Variants in MORC1 observed in about 807,000 individuals in gnomAD.
MORC1 encodes the protein MORC family CW-type zinc finger protein 1.
In MORC1, 59 loss-of-function variants were observed where a neutral mutation model predicts 134.9. That is an observed-to-expected ratio of 0.44 (90% confidence interval 0.35 to 0.54). The LOEUF (loss-of-function observed/expected upper bound fraction) is 0.54, where lower values mean the gene tolerates loss of function less well. Ranked by LOEUF, MORC1 falls within the 20% of genes least tolerant of loss-of-function variation. The pLI is 0.00. For synonymous variants in MORC1, 395 were observed against 391.7 expected (o/e 1.01, Z -0.10); for missense variants, 947 against 1,134.5 (o/e 0.83, Z 2.37).
chr3:109,117,158 A>G (rs1167123536), intron 1 of MORC1, among the ~76,000 whole-genome samples: 1 of 152,142 alleles, frequency 6.6e-6, no homozygotes, highest in African/African-American at 2.4e-5. Context: ...AAAACTGAGT[A>G]TCTGCTGAAT....
At chr3:108,997,446 TAC>T (rs1275930518) in intron 21 of MORC1, among the ~76,000 whole-genome samples, 3 of 152,080 alleles carry the variant, frequency 2.0e-5, no homozygotes, top group African/African-American at 7.2e-5. Context: ...GAGAATCGCT[TAC>T]AGTGAGTGGA....
At chr3:108,963,089 G>A (rs952822958) in intron 27 of MORC1, among the ~76,000 whole-genome samples, 2 of 151,546 alleles carry the variant, frequency 1.3e-5, no homozygotes, top group African/African-American at 4.9e-5. Context: ...TCGGAAGGCT[G>A]AGGCAGGAGG....
intron 16 of MORC1, among the ~76,000 whole-genome samples, chr3:109,030,009 T>C (rs1949203783): frequency 6.6e-6 from 1 of 152,182 alleles, no homozygotes; most frequent in Admixed American, 6.5e-5. Context: ...AATGAGCATA[T>C]ATAATTGCAA....
intron 14 of MORC1, among the ~76,000 whole-genome samples, chr3:109,046,782 G>C (rs1292492885): frequency 2.0e-5 from 3 of 151,994 alleles, no homozygotes; most frequent in African/African-American, 4.8e-5. Flanking sequence ...ATAGTAAAAG[G>C]GTTACTACAG....
At chr3:108,979,197 A>C (rs1210119444) in intron 24 of MORC1, among the ~76,000 whole-genome samples, 1 of 152,214 alleles carries the variant, frequency 6.6e-6, no homozygotes, top group Non-Finnish European at 1.5e-5. Context: ...CAGAGTTTTT[A>C]AAAGGCCATA....
intron 14 of MORC1, among the ~76,000 whole-genome samples, chr3:109,050,549 G>C (rs563713940): frequency 6.6e-6 from 1 of 152,004 alleles, no homozygotes; most frequent in African/African-American, 2.4e-5. Flanking sequence ...TCATCCTGGG[G>C]GTCAGATTTT....
chr3:109,079,121 A>T (rs1019446170), intron 8 of MORC1, among the ~76,000 whole-genome samples: 28 of 152,062 alleles, frequency 1.8e-4, no homozygotes, highest in African/African-American at 6.3e-4. Context: ...TCATTCTATG[A>T]GGCTACCATA....
intron 8 of MORC1, among the ~76,000 whole-genome samples, chr3:109,075,616 T>C (rs1475730591): frequency 6.6e-6 from 1 of 152,152 alleles, no homozygotes; most frequent in Non-Finnish European, 1.5e-5. Context: ...TGTAGATGTG[T>C]GACATTATTC....
intron 21 of MORC1, among the ~76,000 whole-genome samples, chr3:108,995,989 T>G (rs902886064): frequency 1.3e-5 from 2 of 152,094 alleles, no homozygotes; most frequent in African/African-American, 4.8e-5. Flanking sequence ...GGGACAGTTA[T>G]GAAGGTGGGA....
At chr3:108,976,408 C>T (rs560073456) in intron 24 of MORC1, among the ~76,000 whole-genome samples, 6 of 152,266 alleles carry the variant, frequency 3.9e-5, no homozygotes, top group African/African-American at 1.2e-4. Flanking sequence ...TGACCACAAT[C>T]TTCATGCCTT....
intron 2 of MORC1, among the ~76,000 whole-genome samples, chr3:109,113,778 T>TA (rs992905376): frequency 1.4e-3 from 142 of 98,708 alleles, no homozygotes; most frequent in African/African-American, 3.9e-3. Context: ...TTAGAGACAG[T>TA]AAAATACGAC....
Position 109,094,917 on chromosome 3 carries a change from C to A in MORC1, c.575G>T (p.Gly192Val). 6.4e-7 allele frequency: 1 copy of A among 1,561,272 alleles called. No individual in the cohort carries two copies. The highest frequency in any genetic ancestry group is 1.3e-5 in the South Asian group (1 of 79,450). ...ELMQQFDVIY[G>V]KCGTLLVIYN... ...AGTTTTGATGATCTTACCACATTTTCCATAGATCACATCAAACTGCTGCAT... is the reference window on the plus strand; with the variant it reads ...AGTTTTGATGATCTTACCACATTTTACATAGATCACATCAAACTGCTGCAT... Residue 192 changes from glycine (G) to valine (V), a missense_variant, in exon 7 of 28, where the codon GGA (glycine) becomes GTA (valine). By Grantham distance (109) the Gly-to-Val change is moderately radical (BLOSUM62 -3). Coordinates refer to ENST00000232603, the MANE Select transcript of MORC1 (RefSeq NM_014429.4).
chr3:109,049,465 A>T (rs1949770334), intron 14 of MORC1, among the ~76,000 whole-genome samples: 1 of 152,188 alleles, frequency 6.6e-6, no homozygotes, highest in Non-Finnish European at 1.5e-5. Flanking sequence ...GTTTACATGA[A>T]GTCATAGAGA....
At chr3:109,103,826 A>T in intron 4 of MORC1, 23 bp downstream of exon 4, 1 of 1,587,050 alleles carries the variant, frequency 6.3e-7, no homozygotes, top group Non-Finnish European at 8.7e-7. Context: ...ACAGCCAGTT[A>T]GGTATCTAGA....
At chr3:109,027,150 A>G (rs936228678) in intron 17 of MORC1, among the ~76,000 whole-genome samples, 1 of 152,236 alleles carries the variant, frequency 6.6e-6, no homozygotes, top group African/African-American at 2.4e-5. Context: ...TTAAAAAATG[A>G]TGAATTTATG....
chr3:109,045,382 G>T (rs1949670314), intron 14 of MORC1, among the ~76,000 whole-genome samples: 1 of 152,178 alleles, frequency 6.6e-6, no homozygotes, highest in African/African-American at 2.4e-5. Flanking sequence ...CTGGTCCAAG[G>T]TGGGATCGCT....
chr3:108,980,840 T>C (rs962385034), intron 23 of MORC1, among the ~76,000 whole-genome samples: 40 of 152,150 alleles, frequency 2.6e-4, no homozygotes, highest in African/African-American at 8.2e-4. Flanking sequence ...TCAGAGCTAC[T>C]GGGCTGGAGT....
At chr3:109,083,735 G>A (rs1950565628) in intron 8 of MORC1, among the ~76,000 whole-genome samples, 1 of 152,156 alleles carries the variant, frequency 6.6e-6, no homozygotes, top group African/African-American at 2.4e-5. Flanking sequence ...CAATGTCACT[G>A]ACGAACACAG....
At position 108,986,930 on chromosome 3, in the gene MORC1, G is replaced by C. The variant is rs780891149; in HGVS notation, c.2207C>G (p.Thr736Ser). 1 of 1,572,600 alleles carries C rather than the reference G, an allele frequency of 6.4e-7. No homozygotes were observed. The change falls in exon 22 of 28, where the codon ACT (threonine) becomes AGT (serine). Residue 736 changes from threonine to serine, a missense_variant. Around this residue, in one of 3 missense-constraint regions of MORC1, gnomAD observed 722 missense variants for 817.0 expected, o/e 0.88. Transcript: ENST00000232603. ...DIILVSDKSNTDVSLKQEKKE... is the reference protein window; with the variant it reads ...DIILVSDKSNSDVSLKQEKKE... The stretch of plus-strand genomic sequence containing the variant: ...TTTTTCTTGTTTCAATGAAACATCA[G>C]TGTTGCTTTTATCTGAAACCTGAAA...
Sources: gnomAD v4.1 joint callset for allele counts (sites outside exome capture counted in the v4.1 genomes callset) on GRCh38, gnomAD v4.1.1 for gene constraint, gnomAD v4.1.1 regional missense constraint, MANE v1.5 for transcripts, NCBI Gene and HGNC (gene_info 2026-07-23, HGNC 2026-07-21) for gene names.